The following MYO16 variants were observed in gnomAD, a reference collection of about 807,000 sequenced individuals.
MYO16 encodes the protein myosin XVI, also known as unconventional myosin-XVI.
A neutral mutation model predicts 205.3 loss-of-function variants in MYO16; 94 were observed. That is an observed-to-expected ratio of 0.46 (90% CI 0.39 to 0.54). MYO16 has a LOEUF of 0.54. MYO16 is among the 20% of genes least tolerant of loss of function. The probability of loss-of-function intolerance (pLI) is 0.00; values close to 1 mark genes in which losing one functional copy is unlikely to be tolerated. For synonymous variants in MYO16, 988 were observed against 954.0 expected, an observed-to-expected ratio of 1.04 and a Z score of -0.66; for missense variants, 2,315 against 2,387.5, an observed-to-expected ratio of 0.97 and a Z score of 0.63.
At chr13:108,697,211 C>T (rs1009098997) in intron 2 of MYO16, among the ~76,000 whole-genome samples, 2 of 152,190 alleles carry the variant, frequency 1.3e-5, no homozygotes, top group African/African-American at 2.4e-5. Context: ...AAGAAGTACT[C>T]CAACAACAAT....
At chr13:108,696,294 G>A (rs1025158190) in intron 2 of MYO16, among the ~76,000 whole-genome samples, 1 of 152,150 alleles carries the variant, frequency 6.6e-6, no homozygotes, top group Admixed American at 6.5e-5. Flanking sequence ...AATGTTAATA[G>A]CAGCTTTATT....
At chr13:108,546,385 T>C in the MYO16 span, among the ~76,000 whole-genome samples, 1 of 152,108 alleles carries the variant, frequency 6.6e-6, no homozygotes. Context: ...TGAAACAAGA[T>C]CAAGAGGACC....
intron 16 of MYO16, among the ~76,000 whole-genome samples, chr13:108,945,243 A>G (rs146976050): frequency 0.011 from 1,715 of 152,256 alleles, 14 homozygotes; most frequent in Non-Finnish European, 0.019. Flanking sequence ...TTCACTTTCC[A>G]TTAATTTTTT....
intron 4 of MYO16, among the ~76,000 whole-genome samples, chr13:108,759,866 A>C (rs1432308261): frequency 1.3e-5 from 2 of 151,932 alleles, no homozygotes; most frequent in Non-Finnish European, 2.9e-5. Flanking sequence ...GGACTGCTCT[A>C]GGGATATGGA....
At chr13:108,933,080 G>T (rs1882330797) in intron 16 of MYO16, among the ~76,000 whole-genome samples, 1 of 152,146 alleles carries the variant, frequency 6.6e-6, no homozygotes. Flanking sequence ...TGAATTTTCA[G>T]AATGAGAATG....
chr13:109,055,022 T>G lies in MYO16; in HGVS notation c.3049-24T>G. 1 of 1,440,730 alleles carries G rather than the reference T, an allele frequency of 6.9e-7. No individual in the cohort carries two copies. Among genetic ancestry groups the G allele is most frequent in the Non-Finnish European group, 9.6e-7 (1 of 1,046,570 alleles). 89.2% of individuals were successfully genotyped at this position (1,440,730 alleles called of 1,614,324 possible). A position where few individuals can be genotyped will look rare whatever the true frequency, so the allele number is the denominator to read the frequency against. On this transcript the variant is annotated intron_variant, in intron 25 of 34. Transcript: ENST00000457511. This position sits in a 1 kb window ranked among gnomAD's most constrained non-coding sequence, Gnocchi z 5.0. ...TCCTTTCCTTTCTTTTCTCCTGTCC[T>G]TCTTGTCTTTCTTTTTATTACAGTT...
intron 28 of MYO16, among the ~76,000 whole-genome samples, chr13:109,117,131 C>G (rs1875731806): frequency 6.6e-6 from 1 of 151,542 alleles, no homozygotes; most frequent in Admixed American, 6.6e-5. Context: ...GTGACTTATT[C>G]TGGATTGCTG....
chr13:109,048,131 T>A, intron 24 of MYO16, among the ~76,000 whole-genome samples: 1 of 150,406 alleles, frequency 6.6e-6, no homozygotes, highest in Non-Finnish European at 1.5e-5. Flanking sequence ...TTTTTTACTT[T>A]TGTATTTCAT....
At chr13:108,706,884 G>A (rs1262661372) in intron 2 of MYO16, among the ~76,000 whole-genome samples, 2 of 152,192 alleles carry the variant, frequency 1.3e-5, no homozygotes, top group Admixed American at 1.3e-4. Context: ...AGACTGTGAG[G>A]TCTCTGGGGC....
At chr13:109,016,328 C>G (rs1252038639) in intron 22 of MYO16, among the ~76,000 whole-genome samples, 2 of 152,144 alleles carry the variant, frequency 1.3e-5, no homozygotes, top group East Asian at 1.9e-4. Flanking sequence ...GTCTGAGAGA[C>G]AGTTTGTTGT....
intron 11 of MYO16, among the ~76,000 whole-genome samples, chr13:108,863,869 T>C (rs1878575580): frequency 6.6e-6 from 1 of 152,198 alleles, no homozygotes; most frequent in African/African-American, 2.4e-5. Flanking sequence ...AATAACTAAT[T>C]AGAATTTCTG....
At chr13:108,659,469 G>T in intron 1 of MYO16, 1 of 294,066 alleles carries the variant, frequency 3.4e-6, no homozygotes, top group South Asian at 2.9e-5. Context: ...CTTTTATCTG[G>T]AATTGCAGGA....
chr13:108,879,626 C>T (rs963255217), intron 12 of MYO16, among the ~76,000 whole-genome samples: 6 of 152,124 alleles, frequency 3.9e-5, no homozygotes, highest in Non-Finnish European at 8.8e-5. Context: ...GTTTTCTGTC[C>T]TTGCAATAGT....
At chr13:108,752,855 T>A (rs1012755388) in intron 4 of MYO16, among the ~76,000 whole-genome samples, 8 of 144,198 alleles carry the variant, frequency 5.5e-5, no homozygotes, top group Non-Finnish European at 9.1e-5. Flanking sequence ...TGTTGGTCTC[T>A]ACTAAAAAAC....
chr13:108,642,246 C>G (rs1184300804), intron 1 of MYO16, among the ~76,000 whole-genome samples: 6 of 152,190 alleles, frequency 3.9e-5, no homozygotes, highest in Non-Finnish European at 8.8e-5. Flanking sequence ...AGTGCAGGTA[C>G]AGGCACTGCC....
At chr13:108,928,503 C>G (rs1182289313) in intron 16 of MYO16, among the ~76,000 whole-genome samples, 1 of 152,052 alleles carries the variant, frequency 6.6e-6, no homozygotes, top group Non-Finnish European at 1.5e-5. Flanking sequence ...GGAATTCTTG[C>G]ATTTGAATAA....
At chr13:108,602,971 T>A (rs1461533924) in intron 1 of MYO16, among the ~76,000 whole-genome samples, 1 of 152,166 alleles carries the variant, frequency 6.6e-6, no homozygotes, top group African/African-American at 2.4e-5. Context: ...CCAGTTTCCA[T>A]TTAAGCCCTG....
intron 20 of MYO16, among the ~76,000 whole-genome samples, chr13:108,976,950 A>C (rs971219550): frequency 6.6e-5 from 10 of 152,182 alleles, no homozygotes; most frequent in Non-Finnish European, 1.5e-4. Context: ...ATTACAACTA[A>C]AAGCCAAGAT....
At chr13:109,192,102 C>A (rs1056154828) in intron 34 of MYO16, among the ~76,000 whole-genome samples, 5 of 152,108 alleles carry the variant, frequency 3.3e-5, no homozygotes, top group African/African-American at 1.2e-4. Flanking sequence ...CTCAGCAGAC[C>A]TAGTAGACCT....
Sources: gnomAD v4.1 joint callset for allele counts (sites outside exome capture counted in the v4.1 genomes callset) on GRCh38, gnomAD v4.1.1 for gene constraint, Gnocchi (gnomAD v3.1) non-coding constraint, MANE v1.5 for transcripts, NCBI Gene and HGNC (gene_info 2026-07-23, HGNC 2026-07-21) for gene names.